Variants in VPS13B observed in about 807,000 individuals in gnomAD.
VPS13B encodes the protein vacuolar protein sorting 13 homolog B.
A neutral mutation model predicts 426.4 loss-of-function variants in VPS13B; 285 were observed. That is an observed-to-expected ratio of 0.67 (90% CI 0.61 to 0.74). The LOEUF is 0.74. Ranked by LOEUF, VPS13B falls within the 30% of genes least tolerant of loss-of-function variation. VPS13B has a pLI of 0.00. For missense variants in VPS13B, 4,537 were observed against 4,782.6 expected (o/e 0.95, Z 1.51); for synonymous variants, 1,676 against 1,676.4 (o/e 1.00, Z 0.01).
At position 99,642,446 on chromosome 8, in the gene VPS13B, A is replaced by G; in HGVS notation, c.5856A>G (p.Val1952=). Residue 1952 remains valine (V), a synonymous_variant, in exon 34 of 62, where the codon GTA becomes GTG. Transcript: ENST00000357162. Reference sequence around the variant, plus strand: ...ACCACAGAAAGCAGCGAGTGGAAGTATCCATTTTTGATGCTGTGCTTAAAG... The same window carrying G: ...ACCACAGAAAGCAGCGAGTGGAAGTGTCCATTTTTGATGCTGTGCTTAAAG... ...SCHHRKQRVE[V]SIFDAVLKGV... 6.2e-7 allele frequency: 1 copy of G among 1,614,074 alleles called. No individual in the cohort carries two copies. Among genetic ancestry groups the G allele is most frequent in the Non-Finnish European group, 8.5e-7 (1 of 1,180,004 alleles).
intron 36 of VPS13B, among the ~76,000 whole-genome samples, chr8:99,702,845 A>G (rs1428558073): frequency 6.6e-6 from 1 of 152,102 alleles, no homozygotes; most frequent in African/African-American, 2.4e-5. Flanking sequence ...TCCTTTCCAG[A>G]TGAGTTTTAA....
Position 99,854,187 on chromosome 8 carries a change from T to C in VPS13B, c.10798T>C (p.Phe3600Leu). ...SFSVFERGPI[F>L]TTARQLVHAL... ...CTCGGTGTTTGAAAGAGGACCCATC[T>C]TCACCACTGCGAGGCAGCTTGTGCA... Residue 3600 changes from phenylalanine (F) to leucine (L), a missense_variant, in exon 56 of 62, where the codon TTC (phenylalanine) becomes CTC (leucine). By Grantham distance (22) the Phe-to-Leu change is conservative (BLOSUM62 0). Transcript: ENST00000357162. The C allele has an allele frequency of 6.2e-7, 1 of 1,614,084 alleles. No individual in the cohort carries two copies.
intron 3 of VPS13B, among the ~76,000 whole-genome samples, chr8:99,080,625 G>A (rs963370390): frequency 4.6e-5 from 7 of 152,018 alleles, no homozygotes; most frequent in Non-Finnish European, 1.0e-4. Flanking sequence ...CATAATGTGG[G>A]GTGGAGGTAA....
At chr8:99,643,736 A>G (rs1341334196) in intron 34 of VPS13B, among the ~76,000 whole-genome samples, 1 of 152,188 alleles carries the variant, frequency 6.6e-6, no homozygotes, top group East Asian at 1.9e-4. Flanking sequence ...AGATGCTTGC[A>G]AACTCAATCA....
At chr8:99,520,866 A>T (rs1433882148) in intron 29 of VPS13B, 33 bp from the exon 30 acceptor site, 1 of 1,545,714 alleles carries the variant, frequency 6.5e-7, no homozygotes, top group Non-Finnish European at 8.9e-7. Context: ...ACAGATCCAC[A>T]GTGTATTCAT....
chr8:99,400,326 CCTTCAGCACA>C (rs1010602064), intron 21 of VPS13B, among the ~76,000 whole-genome samples: 2 of 152,306 alleles, frequency 1.3e-5, no homozygotes, highest in African/African-American at 2.4e-5. Context: ...TTCTTGGTTT[CCTTCAGCACA>C]GCTGAGGCAG....
chr8:99,263,965 A>G (rs1348795811), intron 17 of VPS13B, among the ~76,000 whole-genome samples: 1 of 152,174 alleles, frequency 6.6e-6, no homozygotes, highest in Non-Finnish European at 1.5e-5. Flanking sequence ...TATACTCAGT[A>G]TGAACGTATT....
chr8:99,611,078 C>G (rs888471353), intron 33 of VPS13B, among the ~76,000 whole-genome samples: 2 of 152,132 alleles, frequency 1.3e-5, no homozygotes, highest in Admixed American at 1.3e-4. Flanking sequence ...TTCCCCTAAG[C>G]AGTGTTTTAT....
intron 39 of VPS13B, among the ~76,000 whole-genome samples, chr8:99,764,887 GCA>G (rs1189241684): frequency 6.6e-6 from 1 of 152,006 alleles, no homozygotes; most frequent in African/African-American, 2.4e-5. Flanking sequence ...ATATATGTGT[GCA>G]CACACACTTG....
At chr8:99,373,660 C>T (rs1366166178) in intron 19 of VPS13B, among the ~76,000 whole-genome samples, 2 of 152,142 alleles carry the variant, frequency 1.3e-5, no homozygotes, top group Non-Finnish European at 2.9e-5. Context: ...TAGTTCAACA[C>T]CAGCCTGGGC....
rs953132278 is a variant in VPS13B at position 99,338,574 on chromosome 8, C to A, written c.2825-45634C>A. Among the ~76,000 whole-genome samples the A allele has an allele frequency of 2.0e-5, 3 of 152,042 alleles. No homozygotes were observed. In the East Asian group the frequency reaches 5.8e-4, roughly 29 times the overall value. ...CACATGTTAAAGCCTCTTCTGAGCA[C>A]ATTATATTTAATTTTAGCTTTTATT... is the stretch of plus-strand genomic sequence containing the variant. On this transcript the variant is annotated intron_variant, in intron 19 of 61. Coordinates refer to ENST00000357162, the MANE Select transcript of VPS13B (RefSeq NM_152564.5).
At chr8:99,801,803 T>C (rs562586308) in intron 43 of VPS13B, among the ~76,000 whole-genome samples, 1 of 152,308 alleles carries the variant, frequency 6.6e-6, no homozygotes, top group South Asian at 2.1e-4. Flanking sequence ...CCATGTGTAG[T>C]ACAGTTAGTT....
At chr8:99,369,252 A>G (rs766327796) in intron 19 of VPS13B, among the ~76,000 whole-genome samples, 1 of 152,210 alleles carries the variant, frequency 6.6e-6, no homozygotes, top group Non-Finnish European at 1.5e-5. Context: ...TTGAACATAA[A>G]TGTTAGTTAA....
intron 19 of VPS13B, among the ~76,000 whole-genome samples, chr8:99,318,869 GGT>G (rs1809825819): frequency 6.6e-6 from 1 of 152,072 alleles, no homozygotes; most frequent in Admixed American, 6.6e-5. Context: ...AGATTGTTCA[GGT>G]GTGTTATTTT....
chr8:99,548,684 A>G (rs1378298013), intron 30 of VPS13B, among the ~76,000 whole-genome samples: 1 of 152,004 alleles, frequency 6.6e-6, no homozygotes, highest in East Asian at 1.9e-4. Flanking sequence ...AAACAGGAGT[A>G]TATCTTACAC....
At chr8:99,691,382 T>C (rs952210796) in intron 35 of VPS13B, among the ~76,000 whole-genome samples, 1 of 151,576 alleles carries the variant, frequency 6.6e-6, no homozygotes, top group Non-Finnish European at 1.5e-5. Context: ...GGCATGTGAG[T>C]TATATGTCAA....
intron 19 of VPS13B, among the ~76,000 whole-genome samples, chr8:99,363,225 A>G (rs1488148584): frequency 6.6e-6 from 1 of 152,128 alleles, no homozygotes; most frequent in Non-Finnish European, 1.5e-5. Context: ...TCTTATGCCT[A>G]TGGATATCTA....
intron 33 of VPS13B, among the ~76,000 whole-genome samples, chr8:99,640,022 T>G (rs199888572): frequency 0.41 from 36,225 of 88,678 alleles, 6,864 homozygotes; most frequent in African/African-American, 0.44. Context: ...ATAATAATAA[T>G]AATAAGAAGA....
chr8:99,229,409 A>T (rs899431812), intron 17 of VPS13B, among the ~76,000 whole-genome samples: 9 of 152,202 alleles, frequency 5.9e-5, no homozygotes, highest in African/African-American at 1.9e-4. Flanking sequence ...TGCTCCTTGT[A>T]GCCAGGCAAT....
Sources: gnomAD v4.1 joint callset for allele counts (sites outside exome capture counted in the v4.1 genomes callset) on GRCh38, gnomAD v4.1.1 for gene constraint, MANE v1.5 for transcripts, NCBI Gene and HGNC (gene_info 2026-07-23, HGNC 2026-07-21) for gene names.